ZNF519: variants seen among roughly 807,000 people sequenced by gnomAD.
ZNF519 encodes the protein zinc finger protein 519.
ZNF519 carries 7 observed loss-of-function variants against 7.4 expected under a neutral mutation model. The ratio of observed to expected loss-of-function variants is 0.94; its 90% CI spans 0.54 to 1.77. The LOEUF is 1.77. ZNF519 is among the 40% of genes most tolerant of loss of function. ZNF519 has a pLI of 0.00. For synonymous variants in ZNF519, 179 were observed against 203.3 expected (o/e 0.88, Z 1.02); for missense variants, 586 against 623.1 (o/e 0.94, Z 0.63).
At chr18:14,084,645 T>G (rs1044558171) in intron 3 of ZNF519, among the ~76,000 whole-genome samples, 3 of 152,050 alleles carry the variant, frequency 2.0e-5, no homozygotes, top group African/African-American at 7.2e-5. Flanking sequence ...CCCTCCCATT[T>G]CCGAGCCTTA....
rs1054478824 is a variant in ZNF519, at chr18:14,104,744, T to A, written c.*173A>T. ...GATTCAGAGTAATTTACGGAAGTGC[T>A]AGCACCTTAGTTCTTTCTAAAGTGA... On this transcript the variant is annotated 3_prime_UTR_variant, in exon 3 of 3. Coordinates refer to ENST00000590202, the MANE Select transcript of ZNF519 (RefSeq NM_145287.4). 1.7e-6 allele frequency: 1 copy of A among 596,894 alleles called. No homozygotes were observed. The highest frequency in any genetic ancestry group is 2.6e-6 in the Non-Finnish European group (1 of 381,922). The allele number at this position is 596,894 out of a possible 1,614,324, so 37.0% of individuals were successfully genotyped here.
downstream of ZNF519, among the ~76,000 whole-genome samples, chr18:14,099,157 A>G (rs2046149362): frequency 1.3e-5 from 2 of 151,194 alleles, no homozygotes; most frequent in Admixed American, 1.3e-4. Flanking sequence ...CTTCCCACCA[A>G]CCTAGCCTCC....
chr18:14,102,961 A>G lies in ZNF519; in HGVS notation c.*1956T>C, dbSNP rs1290995121. ...TTATATAAATTAAAAGATTATATGG[A>G]AAGTAATAAGAAAGCAGTAAAGGAA... On this transcript the variant is annotated 3_prime_UTR_variant, in exon 3 of 3. Coordinates refer to ENST00000590202, the MANE Select transcript of ZNF519 (RefSeq NM_145287.4). 6.6e-6 allele frequency: 1 copy of G among 152,084 alleles called. No homozygotes were observed. The highest frequency in any genetic ancestry group is 1.5e-5 in the Non-Finnish European group (1 of 67,988). The allele number at this position is 152,084 out of a possible 1,614,324, so 9.4% of individuals were successfully genotyped here.
intron 2 of ZNF519, among the ~76,000 whole-genome samples, chr18:14,112,393 T>C (rs2046225582): frequency 6.6e-6 from 1 of 152,232 alleles, no homozygotes; most frequent in African/African-American, 2.4e-5. Context: ...TTTCCTAAGA[T>C]TGAGAACATG....
chr18:14,072,904 G>C (rs1250142152), downstream of ZNF519: 5 of 152,156 alleles, frequency 3.3e-5, no homozygotes, highest in Admixed American at 6.5e-5. Context: ...GGCCTGACCT[G>C]TGAAAACACC....
intron 2 of ZNF519, among the ~76,000 whole-genome samples, chr18:14,091,352 G>A (rs751211853): frequency 1.3e-5 from 2 of 152,114 alleles, no homozygotes; most frequent in Non-Finnish European, 2.9e-5. Context: ...ACTTCTCAGT[G>A]GAAAGCTGAG....
At chr18:14,077,981 T>C (rs1403247743) in intron 4 of ZNF519, among the ~76,000 whole-genome samples, 1 of 152,202 alleles carries the variant, frequency 6.6e-6, no homozygotes, top group Non-Finnish European at 1.5e-5. Context: ...AGACAATTTT[T>C]CCATGGACAG....
At chr18:14,109,084 G>A (rs2143134758) in intron 2 of ZNF519, among the ~76,000 whole-genome samples, 1 of 150,502 alleles carries the variant, frequency 6.6e-6, no homozygotes, top group African/African-American at 2.5e-5. Flanking sequence ...TCCAGCCTGG[G>A]CAACAAGAGC....
intron 2 of ZNF519, among the ~76,000 whole-genome samples, chr18:14,114,266 G>T (rs905982988): frequency 6.6e-6 from 1 of 152,024 alleles, no homozygotes; most frequent in Non-Finnish European, 1.5e-5. Context: ...TACTTTCATA[G>T]TTTTGGGTCT....
chr18:14,078,171 G>A (rs2046055797), intron 4 of ZNF519: 1 of 152,204 alleles, frequency 6.6e-6, no homozygotes, highest in Non-Finnish European at 1.5e-5. Context: ...CAGAGCCCAG[G>A]CAGCAATGCT....
At chr18:14,088,923 A>G (rs1308615661) in intron 2 of ZNF519, among the ~76,000 whole-genome samples, 1 of 152,164 alleles carries the variant, frequency 6.6e-6, no homozygotes, top group African/African-American at 2.4e-5. Flanking sequence ...TAGGAATATT[A>G]GATACATTCT....
At chr18:14,086,872 A>G (rs1341782050) in intron 2 of ZNF519, among the ~76,000 whole-genome samples, 1 of 152,210 alleles carries the variant, frequency 6.6e-6, no homozygotes, top group Non-Finnish European at 1.5e-5. Flanking sequence ...AACAGAAAAA[A>G]GAATCAATGA....
rs751947868 is a variant in ZNF519, at chr18:14,105,417, G to C, written c.1123C>G (p.Pro375Ala). 2 of 1,612,454 alleles carry C rather than the reference G, an allele frequency of 1.2e-6. No homozygotes were observed. Among genetic ancestry groups the C allele is most frequent in the Non-Finnish European group, 8.5e-7 (1 of 1,179,754 alleles). ...TTGCCACATTCCTTACATCTGAAAG[G>C]TTTCTCTCCGGTATGGATTCTCTGG... Reference protein sequence around the residue: ...QHQRIHTGEKPFRCKECGKAF... With the variant: ...QHQRIHTGEKAFRCKECGKAF... Residue 375 changes from proline (P) to alanine (A), a missense_variant, in exon 3 of 3, where the codon CCT (proline) becomes GCT (alanine). Pro to Ala is a conservative substitution (Grantham distance 27). Transcript: ENST00000590202.
chr18:14,076,239 G>A (rs1403454430), exon 5 of ZNF519: 3 of 151,946 alleles, frequency 2.0e-5, no homozygotes, highest in Admixed American at 2.0e-4. Context: ...AAAAATGGTT[G>A]TATATTTATA....
chr18:14,089,584 CAG>C (rs1044338269), intron 2 of ZNF519, among the ~76,000 whole-genome samples: 16 of 152,040 alleles, frequency 1.1e-4, no homozygotes, highest in Admixed American at 7.2e-4. Context: ...GAAATCAAAA[CAG>C]GGGCTGCATA....
rs571793701 is a variant in ZNF519 at position 14,082,049 on chromosome 18, AT to A, written c.*177+2827del. ...CCACATCAAAGATATACATAAAAAA[AT>A]AAATAAAATTTAGTCCATTTAAATT... On this transcript the variant is annotated intron_variant and NMD_transcript_variant, in intron 3 of 4. Coordinates refer to the ZNF519 transcript ENST00000587419. The A allele has an allele frequency of 2.0e-3, 296 of 147,560 alleles. 2 individuals are homozygous for A. Among genetic ancestry groups the A allele is most frequent in the African/African-American group, 7.5e-3 (277 of 37,136 alleles). 9.1% of individuals were successfully genotyped at this position (147,560 alleles called of 1,614,324 possible). A position where few individuals can be genotyped will look rare whatever the true frequency, so the allele number is the denominator to read the frequency against.
At chr18:14,114,522 T>C (rs1179584704) in intron 2 of ZNF519, among the ~76,000 whole-genome samples, 1 of 152,232 alleles carries the variant, frequency 6.6e-6, no homozygotes, top group Non-Finnish European at 1.5e-5. Context: ...ACTATAGCTC[T>C]GTAGTATCAT....
intron 2 of ZNF519, among the ~76,000 whole-genome samples, chr18:14,114,267 T>A (rs1225512851): frequency 6.6e-6 from 1 of 152,196 alleles, no homozygotes; most frequent in Non-Finnish European, 1.5e-5. Flanking sequence ...ACTTTCATAG[T>A]TTTGGGTCTT....
chr18:14,097,851 A>G (rs2046143359), downstream of ZNF519, among the ~76,000 whole-genome samples: 1 of 152,188 alleles, frequency 6.6e-6, no homozygotes, highest in Non-Finnish European at 1.5e-5. Context: ...GTATGTTTAT[A>G]TTAATACTCT....
Sources: allele counts gnomAD v4.1 joint callset (sites outside exome capture counted in the v4.1 genomes callset), GRCh38; gene constraint gnomAD v4.1.1; transcripts MANE v1.5; gene names NCBI Gene and HGNC (gene_info 2026-07-23, HGNC 2026-07-21).